EIF4E2: variants seen among roughly 807,000 people sequenced by gnomAD.
The protein encoded by EIF4E2 is eukaryotic translation initiation factor 4E type 2.
In EIF4E2, 13 loss-of-function variants were observed where a neutral mutation model predicts 34.2. The ratio of observed to expected loss-of-function variants is 0.38; its 90% CI spans 0.25 to 0.60. The LOEUF (loss-of-function observed/expected upper bound fraction) is 0.60. EIF4E2 is among the 20% of genes least tolerant of loss of function. The probability of loss-of-function intolerance (pLI) is 0.62; values close to 1 mark genes in which losing one functional copy is unlikely to be tolerated. For missense variants in EIF4E2, 222 were observed against 315.1 expected (o/e 0.70, Z 2.24); for synonymous variants, 100 against 106.6 (o/e 0.94, Z 0.38).
intron 3 of EIF4E2, 118 bp from the exon 4 acceptor site, chr2:232,564,129 G>A: frequency 1.9e-6 from 1 of 529,778 alleles, no homozygotes; most frequent in East Asian, 3.4e-5. Context: ...CTCTGAAAAG[G>A]ACAGCCTGTA....
In EIF4E2 at chr2:232,581,130, C is replaced by T. The variant is rs1364564543; in HGVS notation, c.*187C>T. 2 of 718,678 alleles carry T rather than the reference C, an allele frequency of 2.8e-6. No homozygotes were observed. Among genetic ancestry groups the T allele is most frequent in the Non-Finnish European group, 5.1e-6 (2 of 390,672 alleles). 44.5% of individuals were successfully genotyped at this position (718,678 alleles called of 1,614,324 possible). A position where few individuals can be genotyped will look rare whatever the true frequency, so the allele number is the denominator to read the frequency against. On this transcript the variant is annotated 3_prime_UTR_variant, in exon 7 of 7. Transcript: ENST00000409098. The surrounding 1 kb of genome is among the most constrained non-coding windows in gnomAD (Gnocchi z 5.2). Reference sequence around the variant, plus strand: ...CTCCAGCATCGCTGACTTTATAAAGCGGAAAAACGGAAAACGTGACTTTGT... The same window carrying T: ...CTCCAGCATCGCTGACTTTATAAAGTGGAAAAACGGAAAACGTGACTTTGT...
At chr2:232,561,905 A>T (rs1449254810) in intron 3 of EIF4E2, among the ~76,000 whole-genome samples, 1 of 151,728 alleles carries the variant, frequency 6.6e-6, no homozygotes, top group East Asian at 1.9e-4. Flanking sequence ...GAACTGTCAA[A>T]TCTTTTAAAG....
intron 3 of EIF4E2, among the ~76,000 whole-genome samples, chr2:232,562,151 G>A (rs1051916009): frequency 1.9e-4 from 29 of 152,202 alleles, no homozygotes; most frequent in African/African-American, 6.5e-4. Flanking sequence ...GGAAGTCGAG[G>A]CTGCAGTGAG....
chr2:232,579,966 T>C (rs1693305777), intron 6 of EIF4E2, among the ~76,000 whole-genome samples: 1 of 152,028 alleles, frequency 6.6e-6, no homozygotes, highest in Admixed American at 6.6e-5. Flanking sequence ...CAGGACCTGC[T>C]AGGATGTCAT....
chr2:232,556,711 C>G (rs759070278), intron 2 of EIF4E2, 181 bp downstream of exon 2: 1 of 560,056 alleles, frequency 1.8e-6, no homozygotes. Flanking sequence ...TAGAACTTTT[C>G]TCTTGCCACA....
Position 232,557,920 on chromosome 2 carries a change from T to C in EIF4E2, c.172T>C (p.Tyr58His). Reference sequence around the variant, plus strand: ...TGGACCGGCAGAGCATCCCCTGCAGTACAACTACACTTTTTGGTACTCCAG... The same window carrying C: ...TGGACCGGCAGAGCATCCCCTGCAGCACAACTACACTTTTTGGTACTCCAG... ...VPGPAEHPLQ[Y>H]NYTFWYSRRT... The change falls in exon 3 of 7, where the codon TAC (tyrosine) becomes CAC (histidine). Residue 58 changes from tyrosine to histidine, a missense_variant. By Grantham distance (83) the Tyr-to-His change is moderately conservative. Transcript: ENST00000258416. 1 of 1,614,008 alleles carries C rather than the reference T, an allele frequency of 6.2e-7. No individual in the cohort carries two copies. Among genetic ancestry groups the C allele is most frequent in the Non-Finnish European group, 8.5e-7 (1 of 1,179,996 alleles).
chr2:232,574,359 T>A, intron 6 of EIF4E2: 1 of 1,550,180 alleles, frequency 6.5e-7, no homozygotes, highest in East Asian at 2.4e-5. Flanking sequence ...CTTGTCTATC[T>A]TCTCTGTAAC....
At chr2:232,572,490 C>T (rs936238983), downstream of EIF4E2, among the ~76,000 whole-genome samples, 14 of 152,096 alleles carry the variant, frequency 9.2e-5, no homozygotes, top group Admixed American at 7.2e-4. Flanking sequence ...CTCAGCCTCC[C>T]GAGTAGCTGG....
chr2:232,567,079 A>G lies in EIF4E2; in HGVS notation c.530A>G (p.Glu177Gly). 6.2e-7 allele frequency: 1 copy of G among 1,613,508 alleles called. No individual in the cohort carries two copies. Among genetic ancestry groups the G allele is most frequent in the Non-Finnish European group, 8.5e-7 (1 of 1,179,680 alleles). Reference sequence around the variant, plus strand: ...TGATTCCTTCTGTTCCTCTGGTAGGAAGACATTATTTCAATATGGAATAAG... The same window carrying G: ...TGATTCCTTCTGTTCCTCTGGTAGGGAGACATTATTTCAATATGGAATAAG... ...CGAVVSVRFQ[E>G]DIISIWNKTA... The change falls in exon 6 of 7, where the codon GAA (glutamate) becomes GGA (glycine). Residue 177 changes from glutamate to glycine, a missense_variant and splice_region_variant. This residue lies in a region of EIF4E2 where 105 missense variants were observed against 195.1 expected (regional missense o/e 0.54). Coordinates refer to ENST00000258416, the MANE Select transcript of EIF4E2 (RefSeq NM_004846.4).
intron 6 of EIF4E2, among the ~76,000 whole-genome samples, chr2:232,580,666 T>C (rs1047116939): frequency 6.6e-6 from 1 of 152,222 alleles, no homozygotes; most frequent in Non-Finnish European, 1.5e-5. Flanking sequence ...GGTCCTCTCT[T>C]GATCGGCATT....
At chr2:232,563,229 G>A (rs912903805) in intron 3 of EIF4E2, among the ~76,000 whole-genome samples, 2 of 151,996 alleles carry the variant, frequency 1.3e-5, no homozygotes, top group Non-Finnish European at 2.9e-5. Context: ...TACTTACTAC[G>A]TATCCTCTGT....
At chr2:232,567,409 T>C in intron 6 of EIF4E2, 195 bp downstream of exon 6, 1 of 1,400,432 alleles carries the variant, frequency 7.1e-7, no homozygotes, top group Non-Finnish European at 9.3e-7. Context: ...TACTACCAGG[T>C]GCTTTGTAGC....
rs981504340 is a variant in EIF4E2, at chr2:232,567,231, T to C, written c.665+17T>C. 1 of 1,614,014 alleles carries C rather than the reference T, an allele frequency of 6.2e-7. No homozygotes were observed. On this transcript the variant is annotated intron_variant, in intron 6 of 6. Coordinates refer to ENST00000258416, the MANE Select transcript of EIF4E2 (RefSeq NM_004846.4). ...CAGCATCAAGTACGTGTTGGGGGGT[T>C]ATGGGAGGACGTGTCCCTAAGCTTA...
chr2:232,556,394 A>T (rs766167787), intron 1 of EIF4E2, 22 bp from the exon 2 acceptor site: 108 of 1,586,684 alleles, frequency 6.8e-5, no homozygotes, highest in Non-Finnish European at 9.3e-5. Context: ...ACAGAATTGT[A>T]TTGTGTTGCC....
Position 232,577,082 on chromosome 2 carries a change from G to A in EIF4E2, c.666-3822G>A, listed in dbSNP as rs556989589. ...AGGAAAGGATTCTGATTACTCAGCT[G>A]TCTAGGCTGGTATACACAGAGCAGT... On this transcript the variant is annotated intron_variant, in intron 6 of 6. Coordinates refer to the EIF4E2 transcript ENST00000409098. Among the ~76,000 whole-genome samples, 8 of 152,342 alleles carry A rather than the reference G, an allele frequency of 5.3e-5. No homozygotes were observed. In the South Asian group the frequency reaches 1.7e-3, roughly 32 times the overall value.
At chr2:232,570,326 T>G (rs992159082), downstream of EIF4E2, among the ~76,000 whole-genome samples, 4 of 152,184 alleles carry the variant, frequency 2.6e-5, no homozygotes, top group African/African-American at 4.8e-5. Context: ...AAATGAGAGA[T>G]TTGCTGGAAT....
intron 6 of EIF4E2, among the ~76,000 whole-genome samples, chr2:232,576,790 T>C (rs1238173863): frequency 6.6e-6 from 1 of 152,234 alleles, no homozygotes; most frequent in Non-Finnish European, 1.5e-5. Flanking sequence ...GTTTGTTGGG[T>C]CTGCCATTTT....
In EIF4E2 at chr2:232,557,868, C is replaced by T. The variant is rs1692579652; in HGVS notation, c.136-16C>T. On this transcript the variant is annotated splice_polypyrimidine_tract_variant and intron_variant, in intron 2 of 6. Transcript: ENST00000258416. ...TGACAAATGCCCAGGACTAACACAC[C>T]TTCTTTACTTCCCAGGCTGTTGTCC... 1 of 1,611,660 alleles carries T rather than the reference C, an allele frequency of 6.2e-7. No individual in the cohort carries two copies. The highest frequency in any genetic ancestry group is 1.1e-5 in the South Asian group (1 of 90,688).
chr2:232,563,759 G>T (rs1364610496), intron 3 of EIF4E2, among the ~76,000 whole-genome samples: 1 of 152,172 alleles, frequency 6.6e-6, no homozygotes, highest in Admixed American at 6.5e-5. Context: ...GGTCTAAGAG[G>T]TATTTCATTC....
Sources: gnomAD v4.1 joint callset for allele counts (sites outside exome capture counted in the v4.1 genomes callset) on GRCh38, gnomAD v4.1.1 for gene constraint, gnomAD v4.1.1 regional missense constraint, Gnocchi (gnomAD v3.1) non-coding constraint, MANE v1.5 for transcripts, NCBI Gene and HGNC (gene_info 2026-07-23, HGNC 2026-07-21) for gene names.